Variants in OPCML observed in about 807,000 individuals in gnomAD.
OPCML encodes opioid binding protein/cell adhesion molecule like.
OPCML carries 13 observed loss-of-function variants against 37.8 expected under a neutral mutation model. The ratio of observed to expected loss-of-function variants is 0.34; its 90% CI spans 0.22 to 0.55. The LOEUF is 0.55. Ranked by LOEUF, OPCML falls within the 20% of genes least tolerant of loss-of-function variation. OPCML has a pLI of 0.91. For synonymous variants in OPCML, 176 were observed against 168.8 expected (o/e 1.04, Z -0.33); for missense variants, 341 against 435.6 (o/e 0.78, Z 1.93).
At chr11:133,354,989 TAAAAAG>T (rs1944250347) in intron 1 of OPCML, among the ~76,000 whole-genome samples, 1 of 152,162 alleles carries the variant, frequency 6.6e-6, no homozygotes, top group Non-Finnish European at 1.5e-5. Flanking sequence ...AAGGATGGAA[TAAAAAG>T]AAAATGACTA....
chr11:133,366,918 C>A (rs1944552893), intron 1 of OPCML, among the ~76,000 whole-genome samples: 1 of 152,140 alleles, frequency 6.6e-6, no homozygotes, highest in Non-Finnish European at 1.5e-5. Flanking sequence ...CCCAGCGGGA[C>A]AACCCGAGCG....
intron 3 of OPCML, among the ~76,000 whole-genome samples, chr11:132,548,446 G>A (rs1471974699): frequency 6.6e-6 from 1 of 152,168 alleles, no homozygotes; most frequent in Non-Finnish European, 1.5e-5. Flanking sequence ...TAGGGCAGGG[G>A]TGTTACTCTT....
At chr11:133,218,138 A>T (rs1192902972) in intron 1 of OPCML, among the ~76,000 whole-genome samples, 2 of 151,302 alleles carry the variant, frequency 1.3e-5, no homozygotes, top group Non-Finnish European at 2.9e-5. Flanking sequence ...TGCCATGTGT[A>T]TTTTTTTTTA....
intron 1 of OPCML, among the ~76,000 whole-genome samples, chr11:133,484,380 T>C (rs925293245): frequency 2.6e-5 from 4 of 151,990 alleles, no homozygotes; most frequent in African/African-American, 9.7e-5. Context: ...GGTTTCTAAA[T>C]TCAAAAAAAA....
chr11:133,306,075 G>A (rs909319374), intron 1 of OPCML, among the ~76,000 whole-genome samples: 11 of 152,136 alleles, frequency 7.2e-5, no homozygotes, highest in Non-Finnish European at 1.3e-4. Flanking sequence ...ATTATCTTAA[G>A]TATTGCAATG....
chr11:133,102,183 A>G (rs1353475095), intron 1 of OPCML, among the ~76,000 whole-genome samples: 1 of 152,220 alleles, frequency 6.6e-6, no homozygotes, highest in Admixed American at 6.5e-5. Flanking sequence ...AAAAGTGGAC[A>G]CTAATGTAAA....
At chr11:133,293,014 G>T (rs1942522357) in intron 1 of OPCML, among the ~76,000 whole-genome samples, 1 of 152,298 alleles carries the variant, frequency 6.6e-6, no homozygotes, top group African/African-American at 2.4e-5. Flanking sequence ...CACTCCCATG[G>T]CAAGGTGCTC....
intron 1 of OPCML, among the ~76,000 whole-genome samples, chr11:133,280,427 T>C (rs1942113306): frequency 6.6e-6 from 1 of 152,230 alleles, no homozygotes; most frequent in South Asian, 2.1e-4. Context: ...ACAGATCTTC[T>C]GTCACCTCAG....
intron 3 of OPCML, among the ~76,000 whole-genome samples, chr11:132,630,417 G>T (rs112789200): frequency 0.1 from 15,171 of 152,190 alleles, 825 homozygotes; most frequent in Middle Eastern, 0.14. Context: ...AATTAGCTGG[G>T]CGTGGTGGCA....
chr11:133,099,434 CTTTTTTTCTTTTTT>C (rs1220451208), intron 1 of OPCML, among the ~76,000 whole-genome samples: 6 of 119,100 alleles, frequency 5.0e-5, no homozygotes, highest in Admixed American at 2.0e-4. Flanking sequence ...GGCTAATTTT[CTTTTTTTCTTTTTT>C]TTTTTTTTTT....
intron 2 of OPCML, among the ~76,000 whole-genome samples, chr11:132,885,572 A>T (rs574172782): frequency 2.0e-5 from 3 of 152,346 alleles, no homozygotes; most frequent in East Asian, 1.9e-4. Context: ...GGACTGAGCT[A>T]TGCAGAAAAT....
At chr11:133,271,811 T>G (rs1258306966) in intron 1 of OPCML, among the ~76,000 whole-genome samples, 1 of 152,226 alleles carries the variant, frequency 6.6e-6, no homozygotes, top group African/African-American at 2.4e-5. Flanking sequence ...ACTTTCTCAT[T>G]CATTTGTTTG....
intron 3 of OPCML, among the ~76,000 whole-genome samples, chr11:132,600,232 G>C (rs1049425322): frequency 2.6e-5 from 4 of 152,172 alleles, no homozygotes; most frequent in Non-Finnish European, 5.9e-5. Context: ...TAAGAGATAA[G>C]GATACCAGAC....
chr11:133,055,352 C>T (rs1948213146), intron 1 of OPCML, among the ~76,000 whole-genome samples: 1 of 150,216 alleles, frequency 6.7e-6, no homozygotes, highest in African/African-American at 2.5e-5. Context: ...GCCACCTCTA[C>T]TGTACAATGC....
rs1367864 is a variant in OPCML at position 133,108,697 on chromosome 11, A to G, written c.62-165687T>C. 3.0e-3 allele frequency among the ~76,000 whole-genome samples: 462 copies of G among 152,268 alleles called. 1 individual carries two copies. Among genetic ancestry groups the G allele is most frequent in the African/African-American group, 0.011 (448 of 41,542 alleles). ...TTTACTCTTCTGTTCATTGTCTGCA[A>G]GTATACCACACTTGCTGGGTTTTAA... On this transcript the variant is annotated intron_variant, in intron 1 of 7. Transcript: ENST00000524381.
At chr11:132,827,187 T>A (rs182821307) in intron 2 of OPCML, among the ~76,000 whole-genome samples, 1 of 152,152 alleles carries the variant, frequency 6.6e-6, no homozygotes, top group Non-Finnish European at 1.5e-5. Flanking sequence ...ATATATCTCA[T>A]AACAGATACA....
At chr11:132,504,271 C>T (rs2096251737) in intron 4 of OPCML, among the ~76,000 whole-genome samples, 1 of 152,156 alleles carries the variant, frequency 6.6e-6, no homozygotes, top group Non-Finnish European at 1.5e-5. Context: ...GCCTCCATAG[C>T]TATCTTTACC....
intron 1 of OPCML, among the ~76,000 whole-genome samples, chr11:133,509,411 C>T (rs189138424): frequency 3.3e-5 from 5 of 152,192 alleles, no homozygotes; most frequent in African/African-American, 9.6e-5. Context: ...CATTCCACTT[C>T]GTGGCTACAT....
rs996900353 is a variant in OPCML, at chr11:132,554,381, A to T, written c.380-25195T>A. Among the ~76,000 whole-genome samples the T allele has an allele frequency of 3.9e-5, 6 of 152,348 alleles. No homozygotes were observed. The East Asian group carries it at 9.6e-4, about 24-fold the overall frequency. ...TTGCCCTTCTATACTGTGTCAAATC[A>T]AAGTCTGTCAGGGACAGAATGGGTC... On this transcript the variant is annotated intron_variant, in intron 3 of 7. Transcript: ENST00000524381.
Sources: allele counts gnomAD v4.1 joint callset (sites outside exome capture counted in the v4.1 genomes callset), GRCh38; gene constraint gnomAD v4.1.1; transcripts MANE v1.5; gene names NCBI Gene and HGNC (gene_info 2026-07-23, HGNC 2026-07-21).